DKKL1: variants seen among roughly 807,000 people sequenced by gnomAD.
DKKL1 encodes the protein dickkopf like acrosomal protein 1.
DKKL1 carries 11 observed loss-of-function variants against 16.5 expected under a neutral mutation model. The observed-to-expected ratio is 0.67, with a 90% CI of 0.42 to 1.10. DKKL1 has a LOEUF of 1.10. DKKL1 is among the 50% of genes least tolerant of loss of function. The pLI, the probability that DKKL1 is intolerant of heterozygous loss-of-function variation, is 0.00. For missense variants in DKKL1, 320 were observed against 308.1 expected (o/e 1.04, Z -0.29); for synonymous variants, 119 against 133.2 (o/e 0.89, Z 0.73).
upstream of DKKL1, among the ~76,000 whole-genome samples, chr19:49,360,996 G>A (rs1342574808): frequency 1.3e-5 from 1 of 77,438 alleles, no homozygotes; most frequent in African/African-American, 5.5e-5. Flanking sequence ...GAGGGGGACA[G>A]AGACCAGAGG....
chr19:49,372,249 G>GAT (rs1455136079), intron 4 of DKKL1, among the ~76,000 whole-genome samples: 1 of 152,048 alleles, frequency 6.6e-6, no homozygotes, highest in East Asian at 1.9e-4. Flanking sequence ...AACATCCCTG[G>GAT]GCTCTATCCA....
chr19:49,365,039 G>A (rs372733523), intron 2 of DKKL1, among the ~76,000 whole-genome samples: 1 of 152,058 alleles, frequency 6.6e-6, no homozygotes, highest in African/African-American at 2.4e-5. Flanking sequence ...AGGTACATGC[G>A]CCTATAATCC....
chr19:49,371,360 C>A (rs1275542510), intron 4 of DKKL1, among the ~76,000 whole-genome samples: 1 of 152,200 alleles, frequency 6.6e-6, no homozygotes, highest in Non-Finnish European at 1.5e-5. Flanking sequence ...TGGACTTTTA[C>A]ATTCTCTTAA....
chr19:49,374,806 C>G lies in DKKL1; in HGVS notation c.507C>G (p.Phe169Leu). Residue 169 changes from phenylalanine (F) to leucine (L), a missense_variant, in exon 5 of 5, where the codon TTC (phenylalanine) becomes TTG (leucine). Physicochemically the swap from Phe to Leu is conservative, Grantham distance 22. Transcript: ENST00000221498. ...FHTELHPRVA[F>L]WIIKLPRRRS... ...CAGAACTCCATCCCCGGGTGGCCTT[C>G]TGGATCATTAAGCTGCCACGGCGGA... The G allele has an allele frequency of 1.9e-6, 3 of 1,613,326 alleles. No individual in the cohort carries two copies. The highest frequency in any genetic ancestry group is 2.5e-6 in the Non-Finnish European group (3 of 1,179,580).
upstream of DKKL1, chr19:49,363,636 G>C: frequency 2.8e-6 from 1 of 351,530 alleles, no homozygotes; most frequent in Non-Finnish European, 5.3e-6. Flanking sequence ...CCAGGACTTG[G>C]TCTCCAGGAC....
At chr19:49,362,131 C>T (rs1238427838), upstream of DKKL1, among the ~76,000 whole-genome samples, 1 of 152,172 alleles carries the variant, frequency 6.6e-6, no homozygotes, top group Non-Finnish European at 1.5e-5. Flanking sequence ...TTGGCCCGCA[C>T]CCGCTCCTGC....
upstream of DKKL1, among the ~76,000 whole-genome samples, chr19:49,362,919 G>GTTTTTTTTT (rs1190522110): frequency 2.3e-5 from 3 of 130,258 alleles, no homozygotes; most frequent in Admixed American, 7.4e-5. Flanking sequence ...TGGTTTTTTT[G>GTTTTTTTTT]TTTTTTGTTT....
At chr19:49,366,725 G>C (rs202083192) in intron 4 of DKKL1, among the ~76,000 whole-genome samples, 1 of 80,236 alleles carries the variant, frequency 1.2e-5, no homozygotes, top group African/African-American at 5.7e-5. Flanking sequence ...TTTTTTTTTT[G>C]AGAATGGAGT....
chr19:49,360,828 A>G (rs116130216), upstream of DKKL1, among the ~76,000 whole-genome samples: 1,265 of 90,106 alleles, frequency 0.014, 51 homozygotes, highest in African/African-American at 0.06. Flanking sequence ...CAGAGAGAGA[A>G]GGGGACAGAG....
chr19:49,371,921 C>T (rs977632397), intron 4 of DKKL1, among the ~76,000 whole-genome samples: 3 of 152,190 alleles, frequency 2.0e-5, no homozygotes, highest in Non-Finnish European at 1.5e-5. Context: ...TTTCCAGCTT[C>T]ATCCATGTCC....
Position 49,374,781 on chromosome 19 carries a change from C to G in DKKL1, c.482C>G (p.Thr161Arg), listed in dbSNP as rs777200534. Reference protein sequence around the residue: ...PIQKATDSFHTELHPRVAFWI... With the variant: ...PIQKATDSFHRELHPRVAFWI... ...CAGAAGGCCACGGACAGCTTCCACACAGAACTCCATCCCCGGGTGGCCTTC... is the reference window on the plus strand; with the variant it reads ...CAGAAGGCCACGGACAGCTTCCACAGAGAACTCCATCCCCGGGTGGCCTTC... The change falls in exon 5 of 5, where the codon ACA (threonine) becomes AGA (arginine). Residue 161 changes from threonine to arginine, a missense_variant. Thr to Arg is a moderately conservative substitution (Grantham distance 71). Coordinates refer to ENST00000221498, the MANE Select transcript of DKKL1 (RefSeq NM_014419.4). 3 of 1,607,908 alleles carry G rather than the reference C, an allele frequency of 1.9e-6. No individual in the cohort carries two copies. Among genetic ancestry groups the G allele is most frequent in the Non-Finnish European group, 2.6e-6 (3 of 1,176,336 alleles).
chr19:49,372,493 A>G (rs1973535076), intron 4 of DKKL1, among the ~76,000 whole-genome samples: 1 of 152,010 alleles, frequency 6.6e-6, no homozygotes. Flanking sequence ...GGATATCAAG[A>G]CCATCCTGGC....
chr19:49,372,685 C>G (rs1465417241), intron 4 of DKKL1, among the ~76,000 whole-genome samples: 1 of 139,044 alleles, frequency 7.2e-6, no homozygotes, highest in African/African-American at 2.8e-5. Context: ...CAGAGCGAGA[C>G]TCCGTCTCAA....
Position 49,374,818 on chromosome 19 carries a change from G to C in DKKL1, c.519G>C (p.Lys173Asn), listed in dbSNP as rs766868406. Residue 173 changes from lysine (K) to asparagine (N), a missense_variant, in exon 5 of 5, where the codon AAG becomes AAC. Physicochemically the swap from Lys to Asn is moderately conservative, Grantham distance 94. Coordinates refer to ENST00000221498, the MANE Select transcript of DKKL1 (RefSeq NM_014419.4). Reference sequence around the variant, plus strand: ...CCCGGGTGGCCTTCTGGATCATTAAGCTGCCACGGCGGAGGTCCCACCAGG... The same window carrying C: ...CCCGGGTGGCCTTCTGGATCATTAACCTGCCACGGCGGAGGTCCCACCAGG... ...LHPRVAFWII[K>N]LPRRRSHQDA... is the part of the protein sequence containing the mutation. 2 of 1,613,512 alleles carry C rather than the reference G, an allele frequency of 1.2e-6. No individual in the cohort carries two copies. The highest frequency in any genetic ancestry group is 1.7e-6 in the Non-Finnish European group (2 of 1,179,706).
At chr19:49,374,262 A>T (rs1973633637) in intron 4 of DKKL1, among the ~76,000 whole-genome samples, 2 of 152,228 alleles carry the variant, frequency 1.3e-5, no homozygotes. Context: ...CTGGGATTAC[A>T]GGCATGAGCC....
rs761509338 is a variant in DKKL1 at position 49,365,869 on chromosome 19, T to C, written c.401T>C (p.Phe134Ser). 1.2e-6 allele frequency: 2 copies of C among 1,613,930 alleles called. No homozygotes were observed. The highest frequency in any genetic ancestry group is 2.7e-5 in the African/African-American group (2 of 74,908). The change falls in exon 4 of 5, where the codon TTC (phenylalanine) becomes TCC (serine). Residue 134 changes from phenylalanine (F) to serine (S), a missense_variant. Coordinates refer to ENST00000221498, the MANE Select transcript of DKKL1 (RefSeq NM_014419.4). Reference sequence around the variant, plus strand: ...TCCATTCAACCAGCGGAGGGGAGCTTCGAGGGTGATTTGAAGGTTAGGACG... The same window carrying C: ...TCCATTCAACCAGCGGAGGGGAGCTCCGAGGGTGATTTGAAGGTTAGGACG... ...VASIQPAEGSFEGDLKVPRME... is the reference protein window; with the variant it reads ...VASIQPAEGSSEGDLKVPRME...
At chr19:49,362,125 C>A (rs2146730053), upstream of DKKL1, among the ~76,000 whole-genome samples, 1 of 152,310 alleles carries the variant, frequency 6.6e-6, no homozygotes, top group African/African-American at 2.4e-5. Context: ...GCGCCCTTGG[C>A]CCGCACCCGC....
chr19:49,372,642 C>T (rs1213495636), intron 4 of DKKL1, among the ~76,000 whole-genome samples: 7 of 148,164 alleles, frequency 4.7e-5, no homozygotes, highest in Non-Finnish European at 1.0e-4. Context: ...TGCAGTGAGC[C>T]GAGATCGTGC....
intron 4 of DKKL1, among the ~76,000 whole-genome samples, chr19:49,372,411 G>A (rs1452632796): frequency 6.6e-6 from 1 of 151,478 alleles, no homozygotes; most frequent in Admixed American, 6.6e-5. Context: ...ACAAAATATG[G>A]GGCCAGGCAC....
Sources: gnomAD v4.1 joint callset for allele counts (sites outside exome capture counted in the v4.1 genomes callset) on GRCh38, gnomAD v4.1.1 for gene constraint, MANE v1.5 for transcripts, NCBI Gene and HGNC (gene_info 2026-07-23, HGNC 2026-07-21) for gene names.